PPARGC1A: variants seen among roughly 807,000 people sequenced by gnomAD.
PPARGC1A encodes the protein PPARG coactivator 1 alpha, also known as peroxisome proliferator-activated receptor gamma coactivator 1-alpha.
In PPARGC1A, 25 loss-of-function variants were observed where a neutral mutation model predicts 88.7. That is an observed-to-expected ratio of 0.28 (90% CI 0.21 to 0.39). The LOEUF is 0.39. Among genes scored for constraint, PPARGC1A ranks in the 10% least tolerant of loss-of-function variants. The pLI, the probability that PPARGC1A is intolerant of heterozygous loss-of-function variation, is 1.00. For missense variants in PPARGC1A, 880 were observed against 968.7 expected (o/e 0.91, Z 1.22); for synonymous variants, 363 against 355.6 (o/e 1.02, Z -0.24).
At chr4:23,987,687 G>A in the PPARGC1A span, among the ~76,000 whole-genome samples, 61 of 151,846 alleles carry the variant, frequency 4.0e-4, no homozygotes, top group Non-Finnish European at 7.8e-4. Context: ...TGTTACCTCC[G>A]ACCTGTCTCA....
the PPARGC1A span, among the ~76,000 whole-genome samples, chr4:24,171,709 A>T: frequency 3.3e-5 from 5 of 152,204 alleles, no homozygotes; most frequent in Non-Finnish European, 5.9e-5. Flanking sequence ...CAGGAAGCAC[A>T]TGTCCCATCC....
chr4:24,050,491 T>C, the PPARGC1A span, among the ~76,000 whole-genome samples: 9 of 151,968 alleles, frequency 5.9e-5, no homozygotes, highest in Non-Finnish European at 1.2e-4. Flanking sequence ...CTACTGCGCC[T>C]GGCTTTTATG....
At chr4:23,998,558 A>G in the PPARGC1A span, among the ~76,000 whole-genome samples, 701 of 152,324 alleles carry the variant, frequency 4.6e-3, 7 homozygotes, top group African/African-American at 0.016. Context: ...ATGGTAGGTC[A>G]CATGATAACA....
chr4:24,392,831 A>G, the PPARGC1A span, among the ~76,000 whole-genome samples: 6 of 152,040 alleles, frequency 3.9e-5, no homozygotes, highest in African/African-American at 1.4e-4. Context: ...CTTATCTAAG[A>G]CTCTGAAAAG....
At chr4:23,827,477 C>T (rs1043920819) in intron 5 of PPARGC1A, among the ~76,000 whole-genome samples, 2 of 151,962 alleles carry the variant, frequency 1.3e-5, no homozygotes, top group African/African-American at 2.4e-5. Flanking sequence ...TATAATATGC[C>T]TACTTCCACC....
chr4:24,224,708 T>G, the PPARGC1A span, among the ~76,000 whole-genome samples: 312 of 152,262 alleles, frequency 2.0e-3, 3 homozygotes, highest in African/African-American at 7.3e-3. Flanking sequence ...TGGAGATGAC[T>G]GATCATAATA....
the PPARGC1A span, among the ~76,000 whole-genome samples, chr4:24,003,371 A>C: frequency 1.8e-3 from 270 of 152,318 alleles, 3 homozygotes; most frequent in African/African-American, 6.4e-3. Flanking sequence ...TTTTAACAAT[A>C]CCTAAGGCCT....
intron 10 of PPARGC1A, among the ~76,000 whole-genome samples, chr4:23,812,191 C>G (rs1450908077): frequency 6.6e-6 from 1 of 151,906 alleles, no homozygotes; most frequent in Non-Finnish European, 1.5e-5. Context: ...GATCCACATG[C>G]CTTGGCCTCC....
chr4:24,326,909 G>C, the PPARGC1A span, among the ~76,000 whole-genome samples: 1 of 152,098 alleles, frequency 6.6e-6, no homozygotes, highest in Admixed American at 6.5e-5. Flanking sequence ...GTCTGAGAAG[G>C]CCACCGCAGT....
the PPARGC1A span, among the ~76,000 whole-genome samples, chr4:23,928,777 AAAC>A: frequency 6.8e-6 from 1 of 147,092 alleles, no homozygotes; most frequent in African/African-American, 2.5e-5. Flanking sequence ...AAACAAAAAA[AAAC>A]AACAAAAAAA....
At chr4:24,447,385 A>C in the PPARGC1A span, among the ~76,000 whole-genome samples, 1 of 152,166 alleles carries the variant, frequency 6.6e-6, no homozygotes, top group African/African-American at 2.4e-5. Flanking sequence ...CAATCAGGGA[A>C]GCTGAGGAGC....
chr4:24,264,361 G>A, the PPARGC1A span, among the ~76,000 whole-genome samples: 1 of 152,280 alleles, frequency 6.6e-6, no homozygotes, highest in South Asian at 2.1e-4. Context: ...GGTCTGTGAT[G>A]CCACACTGCT....
At chr4:24,049,352 A>G in the PPARGC1A span, among the ~76,000 whole-genome samples, 1 of 147,624 alleles carries the variant, frequency 6.8e-6, no homozygotes, top group South Asian at 2.1e-4. Flanking sequence ...ATATATATGA[A>G]TAATCAGGGA....
chr4:23,870,892 G>A (rs1190481881), intron 2 of PPARGC1A, among the ~76,000 whole-genome samples: 1 of 149,996 alleles, frequency 6.7e-6, no homozygotes, highest in African/African-American at 2.4e-5. Context: ...AGATGTAGCT[G>A]GAAATAAAAA....
intron 5 of PPARGC1A, among the ~76,000 whole-genome samples, chr4:23,827,036 C>T (rs1450581225): frequency 6.6e-6 from 1 of 152,104 alleles, no homozygotes; most frequent in African/African-American, 2.4e-5. Flanking sequence ...CACCTGAGGC[C>T]TTCATGACCA....
At chr4:23,889,042 C>A in intron 1 of PPARGC1A, 1 of 985,400 alleles carries the variant, frequency 1.0e-6, no homozygotes. Context: ...CCTCCGTCCC[C>A]CCACTAGACT....
At chr4:24,017,240 T>C in the PPARGC1A span, among the ~76,000 whole-genome samples, 2 of 152,160 alleles carry the variant, frequency 1.3e-5, no homozygotes, top group African/African-American at 4.8e-5. Flanking sequence ...ATTTAGGCAG[T>C]ATTTGGATCA....
intron 10 of PPARGC1A, among the ~76,000 whole-genome samples, chr4:23,809,896 G>T (rs944721107): frequency 6.6e-6 from 1 of 152,056 alleles, no homozygotes; most frequent in African/African-American, 2.4e-5. Flanking sequence ...TTCATATATA[G>T]ATCTGGATGC....
intron 2 of PPARGC1A, among the ~76,000 whole-genome samples, chr4:23,838,415 C>A (rs930669973): frequency 6.6e-6 from 1 of 152,080 alleles, no homozygotes; most frequent in Non-Finnish European, 1.5e-5. Flanking sequence ...AACCCAATTA[C>A]TTTTTGTTTG....
Sources: gnomAD v4.1 joint callset for allele counts (sites outside exome capture counted in the v4.1 genomes callset) on GRCh38, gnomAD v4.1.1 for gene constraint, MANE v1.5 for transcripts, NCBI Gene and HGNC (gene_info 2026-07-23, HGNC 2026-07-21) for gene names.